ABLIM3: variants seen among roughly 807,000 people sequenced by gnomAD.
ABLIM3 encodes actin binding LIM protein family member 3.
ABLIM3 carries 61 observed loss-of-function variants against 109.5 expected under a neutral mutation model. That is an observed-to-expected ratio of 0.56 (90% confidence interval 0.45 to 0.69). ABLIM3 has a LOEUF of 0.69. ABLIM3 is among the 30% of genes least tolerant of loss of function. The pLI is 0.00. For synonymous variants in ABLIM3, 300 were observed against 324.8 expected (o/e 0.92, Z 0.82); for missense variants, 796 against 889.5 (o/e 0.89, Z 1.34).
At chr5:149,211,020 C>G (rs1327548174) in intron 7 of ABLIM3, among the ~76,000 whole-genome samples, 1 of 152,110 alleles carries the variant, frequency 6.6e-6, no homozygotes, top group African/African-American at 2.4e-5. Flanking sequence ...AGACAAAATT[C>G]TTCCTGGTTC....
At chr5:149,183,253 A>T (rs1756621107) in intron 2 of ABLIM3, among the ~76,000 whole-genome samples, 199 bp from the exon 3 acceptor site, 1 of 152,198 alleles carries the variant, frequency 6.6e-6, no homozygotes, top group Non-Finnish European at 1.5e-5. Flanking sequence ...TTGCCTGCTT[A>T]AGGAGGGCTA....
chr5:149,188,695 A>G (rs901705906), intron 3 of ABLIM3, among the ~76,000 whole-genome samples: 1 of 152,214 alleles, frequency 6.6e-6, no homozygotes, highest in Non-Finnish European at 1.5e-5. Flanking sequence ...CCCCACCCTT[A>G]TGATCTCATC....
chr5:149,230,669 A>G lies in ABLIM3; in HGVS notation c.778A>G (p.Ile260Val), dbSNP rs1761764912. 2 of 1,614,084 alleles carry G rather than the reference A, an allele frequency of 1.2e-6. No homozygotes were observed. Among genetic ancestry groups the G allele is most frequent in the Non-Finnish European group, 1.7e-6 (2 of 1,179,970 alleles). ...CTTAGGTTCCGAGGTTTGGCACCCC[A>G]TCTGCAAACAGGCAGCCCGGGCAGA... Reference protein sequence around the residue: ...YLTGSEVWHPICKQAARAEKK... With the variant: ...YLTGSEVWHPVCKQAARAEKK... Residue 260 changes from isoleucine (I) to valine (V), a missense_variant, in exon 9 of 24, where the codon ATC becomes GTC. By Grantham distance (29) the Ile-to-Val change is conservative (BLOSUM62 3). Coordinates refer to ENST00000309868, the MANE Select transcript of ABLIM3 (RefSeq NM_014945.5).
chr5:149,231,164 G>A (rs1390317541), intron 9 of ABLIM3, among the ~76,000 whole-genome samples: 1 of 152,194 alleles, frequency 6.6e-6, no homozygotes, highest in African/African-American at 2.4e-5. Flanking sequence ...TTCTATCTTT[G>A]CCTTGCCTGT....
At chr5:149,254,806 GAATC>G (rs1754283703) in intron 23 of ABLIM3, among the ~76,000 whole-genome samples, 6 of 152,284 alleles carry the variant, frequency 3.9e-5, no homozygotes, top group Admixed American at 2.0e-4. Context: ...CAGGACATCA[GAATC>G]ACCCAGGGAC....
intron 5 of ABLIM3, among the ~76,000 whole-genome samples, chr5:149,206,082 G>A (rs924339149): frequency 7.2e-5 from 11 of 152,198 alleles, no homozygotes; most frequent in South Asian, 2.1e-4. Flanking sequence ...CCTTTCCTCC[G>A]CCAAAGTGGG....
intron 11 of ABLIM3, among the ~76,000 whole-genome samples, chr5:149,238,745 G>C (rs191814662): frequency 6.6e-6 from 1 of 152,202 alleles, no homozygotes; most frequent in South Asian, 2.1e-4. Context: ...CTCTTCAGTC[G>C]AGACATCCCA....
intron 20 of ABLIM3, 150 bp downstream of exon 20, chr5:149,250,655 C>T: frequency 1.1e-6 from 1 of 938,994 alleles, no homozygotes; most frequent in East Asian, 2.7e-5. Context: ...GACTTGCTCC[C>T]CTCCCTGGTG....
intron 23 of ABLIM3, among the ~76,000 whole-genome samples, chr5:149,253,849 A>C (rs147263455): frequency 2.4e-4 from 36 of 152,288 alleles, no homozygotes; most frequent in African/African-American, 8.7e-4. Flanking sequence ...ATTAGTCTCT[A>C]ATGCGGCTAA....
In ABLIM3 at chr5:149,200,435, C is replaced by T. The variant is rs1190957788; in HGVS notation, c.448+7C>T. On this transcript the variant is annotated splice_region_variant and intron_variant, in intron 5 of 23. Transcript: ENST00000309868. ...AAGATTCGTGGACCAAGCCGTGAGT[C>T]CTCCCCACGGGTATCTCCCTGTCCA... The T allele has an allele frequency of 6.2e-7, 1 of 1,612,666 alleles. No homozygotes were observed. Among genetic ancestry groups the T allele is most frequent in the Non-Finnish European group, 8.5e-7 (1 of 1,178,648 alleles).
chr5:149,186,259 C>A (rs148651974), intron 3 of ABLIM3, among the ~76,000 whole-genome samples: 1 of 151,938 alleles, frequency 6.6e-6, no homozygotes, highest in African/African-American at 2.4e-5. Flanking sequence ...ACTAAGAATA[C>A]AAAAATTAGC....
chr5:149,191,196 A>C (rs938096544), intron 3 of ABLIM3, among the ~76,000 whole-genome samples: 10 of 152,210 alleles, frequency 6.6e-5, no homozygotes, highest in South Asian at 2.1e-4. Context: ...AAATTATTCA[A>C]GTAATGGGAG....
Position 149,176,332 on chromosome 5 carries a change from C to T in ABLIM3, c.14-7120C>T, listed in dbSNP as rs1178940184. 3.3e-5 allele frequency among the ~76,000 whole-genome samples: 5 copies of T among 152,178 alleles called. No homozygotes were observed. The East Asian group carries it at 9.6e-4, about 29-fold the overall frequency. ...TAGTCACCTCCAATCATTATTTTTA[C>T]ATCTTCTTAAACTATTTTTTAAAAC... On this transcript the variant is annotated intron_variant, in intron 2 of 23. Transcript: ENST00000309868.
At chr5:149,225,154 T>C (rs1761044453) in intron 8 of ABLIM3, among the ~76,000 whole-genome samples, 1 of 152,236 alleles carries the variant, frequency 6.6e-6, no homozygotes, top group African/African-American at 2.4e-5. Flanking sequence ...TATGTTAATG[T>C]AAAATTCTCA....
In ABLIM3 at chr5:149,251,435, C is replaced by T; in HGVS notation, c.1849+16C>T. ...GGCATGCGAGGTGAGTGCAGGCCTG[C>T]AGGGGGTCTGCAGGGAGAGTGCCTC... is the stretch of plus-strand genomic sequence containing the variant. On this transcript the variant is annotated intron_variant, in intron 21 of 23. Transcript: ENST00000309868. 1 of 1,613,324 alleles carries T rather than the reference C, an allele frequency of 6.2e-7. No homozygotes were observed. Among genetic ancestry groups the T allele is most frequent in the Non-Finnish European group, 8.5e-7 (1 of 1,179,696 alleles).
chr5:149,205,429 G>A (rs1758878011), intron 5 of ABLIM3, among the ~76,000 whole-genome samples: 1 of 152,066 alleles, frequency 6.6e-6, no homozygotes, highest in Non-Finnish European at 1.5e-5. Flanking sequence ...GAATTTTTAG[G>A]CCCTGCTGGG....
chr5:149,172,509 A>G (rs1755530967), intron 2 of ABLIM3, among the ~76,000 whole-genome samples: 1 of 152,154 alleles, frequency 6.6e-6, no homozygotes, highest in Non-Finnish European at 1.5e-5. Context: ...ATTTCAGAAT[A>G]TTCTGTTCTT....
intron 21 of ABLIM3, 106 bp downstream of exon 21, chr5:149,251,525 C>G: frequency 7.5e-7 from 1 of 1,331,468 alleles, no homozygotes; most frequent in Non-Finnish European, 1.1e-6. Context: ...TCTGTCCCCA[C>G]GCTGGGCTGT....
rs1198504908 is a variant in ABLIM3 at position 149,226,189 on chromosome 5, G to GA, written c.758-4451dup. ...CTGAGAAACCTCATCCTGCTATGGT[G>GA]AAAAAAAAATCCAGAGGCCAGGCGC... On this transcript the variant is annotated intron_variant, in intron 8 of 23. Coordinates refer to ENST00000309868, the MANE Select transcript of ABLIM3 (RefSeq NM_014945.5). Among the ~76,000 whole-genome samples, 16 of 150,002 alleles carry GA rather than the reference G, an allele frequency of 1.1e-4. No homozygotes were observed. The South Asian group carries it at 2.5e-3, about 24-fold the overall frequency.
Sources: allele counts gnomAD v4.1 joint callset (sites outside exome capture counted in the v4.1 genomes callset), GRCh38; gene constraint gnomAD v4.1.1; transcripts MANE v1.5; gene names NCBI Gene and HGNC (gene_info 2026-07-23, HGNC 2026-07-21).